The following RAB6A variants were observed in gnomAD, a reference collection of about 807,000 sequenced individuals.
The protein encoded by RAB6A is ras-related protein Rab-6A.
RAB6A carries 8 observed loss-of-function variants against 32.3 expected under a neutral mutation model. The observed-to-expected ratio is 0.25, with a 90% CI of 0.15 to 0.45. The LOEUF (loss-of-function observed/expected upper bound fraction) is 0.45. Ranked by LOEUF, RAB6A falls within the 20% of genes least tolerant of loss-of-function variation. RAB6A has a pLI of 1.00. For synonymous variants in RAB6A, 73 were observed against 82.1 expected (o/e 0.89, Z 0.60); for missense variants, 104 against 249.4 (o/e 0.42, Z 3.93).
At chr11:73,712,986 G>A (rs1250200025) in intron 5 of RAB6A, among the ~76,000 whole-genome samples, 1 of 151,758 alleles carries the variant, frequency 6.6e-6, no homozygotes, top group African/African-American at 2.4e-5. Flanking sequence ...CCAAAGTGCT[G>A]GGAGGTGTGA....
At chr11:73,722,744 T>G (rs1946161346) in intron 2 of RAB6A, 1 of 152,176 alleles carries the variant, frequency 6.6e-6, no homozygotes, top group Non-Finnish European at 1.5e-5. Flanking sequence ...ATTGATTATC[T>G]ACTAAGTGCC....
intron 1 of RAB6A, among the ~76,000 whole-genome samples, chr11:73,736,809 G>GAAAAAA (rs756237159): frequency 8.3e-5 from 9 of 108,764 alleles, no homozygotes; most frequent in Admixed American, 1.2e-4. Flanking sequence ...AAAAAAAAAA[G>GAAAAAA]AAAAAAAAAA....
chr11:73,732,317 T>C (rs1329094275), intron 1 of RAB6A, among the ~76,000 whole-genome samples: 1 of 152,104 alleles, frequency 6.6e-6, no homozygotes, highest in Non-Finnish European at 1.5e-5. Context: ...CCGGGTGCGG[T>C]GGCTCACGCC....
intron 1 of RAB6A, among the ~76,000 whole-genome samples, chr11:73,735,970 T>A (rs1946387442): frequency 7.1e-6 from 1 of 141,288 alleles, no homozygotes; most frequent in South Asian, 2.4e-4. Context: ...ATAAATCACA[T>A]ACCATACAAT....
intron 1 of RAB6A, among the ~76,000 whole-genome samples, chr11:73,749,982 G>A (rs909102777): frequency 6.6e-6 from 1 of 152,138 alleles, no homozygotes; most frequent in Non-Finnish European, 1.5e-5. Context: ...GCAACATAGT[G>A]AGATCTTACC....
At chr11:73,757,129 A>ATATATCTTTTTTTTT (rs1555070136) in intron 1 of RAB6A, among the ~76,000 whole-genome samples, 1 of 30,356 alleles carries the variant, frequency 3.3e-5, no homozygotes, top group Non-Finnish European at 5.0e-5. Flanking sequence ...ATATATATAT[A>ATATATCTTTTTTTTT]TTTTTTTTTT....
At chr11:73,732,625 G>C (rs1377347366) in intron 1 of RAB6A, among the ~76,000 whole-genome samples, 1 of 151,910 alleles carries the variant, frequency 6.6e-6, no homozygotes, top group Non-Finnish European at 1.5e-5. Context: ...CGGGCGTGGG[G>C]GAGTGCGCCT....
intron 1 of RAB6A, among the ~76,000 whole-genome samples, chr11:73,749,634 A>T (rs10898941): frequency 0.2 from 30,560 of 151,998 alleles, 3,138 homozygotes; most frequent in East Asian, 0.25. Flanking sequence ...ACTCGAGGCC[A>T]GAGCATTGCT....
intron 6 of RAB6A, among the ~76,000 whole-genome samples, chr11:73,689,039 T>C (rs747197694): frequency 6.6e-6 from 1 of 151,940 alleles, no homozygotes; most frequent in Non-Finnish European, 1.5e-5. Flanking sequence ...GGGAAGAGCA[T>C]TTGAGCCCAG....
chr11:73,726,718 C>A (rs1007128333), intron 2 of RAB6A, among the ~76,000 whole-genome samples: 1 of 149,754 alleles, frequency 6.7e-6, no homozygotes, highest in African/African-American at 2.5e-5. Context: ...CCACTGCACT[C>A]CAGCCTGGGT....
chr11:73,730,256 T>G (rs1946283240), intron 2 of RAB6A: 2 of 152,824 alleles, frequency 1.3e-5, no homozygotes, highest in African/African-American at 4.8e-5. Flanking sequence ...GCTTTAGTTG[T>G]ATACCATAAG....
chr11:73,712,278 T>C (rs1028923133), intron 5 of RAB6A, among the ~76,000 whole-genome samples: 1 of 152,200 alleles, frequency 6.6e-6, no homozygotes, highest in African/African-American at 2.4e-5. Flanking sequence ...ATTTATTACA[T>C]AGTTCATTTT....
intron 1 of RAB6A, 63 bp downstream of exon 1, chr11:73,760,503 G>A: frequency 6.5e-7 from 1 of 1,533,048 alleles, no homozygotes; most frequent in Non-Finnish European, 8.8e-7. Context: ...CGGAAGGGCC[G>A]CACCGGGGGC....
In RAB6A at chr11:73,707,106, G is replaced by A. The variant is rs981242588; in HGVS notation, c.495+314C>T. ...GCATTCAAGCCTCGGCAACAAGAGC[G>A]AAACTCCATCTCAAAAAAGAAAAAA... On this transcript the variant is annotated intron_variant, in intron 6 of 7. Coordinates refer to ENST00000336083, the MANE Select transcript of RAB6A (RefSeq NM_198896.2). Among the ~76,000 whole-genome samples, 8 of 117,286 alleles carry A rather than the reference G, an allele frequency of 6.8e-5. No homozygotes were observed. The East Asian group carries it at 1.9e-3, about 28-fold the overall frequency. The allele number at this position is 117,286 out of a possible 152,430, so 76.9% of individuals were successfully genotyped here.
At chr11:73,727,294 C>G (rs188511247) in intron 2 of RAB6A, among the ~76,000 whole-genome samples, 2 of 151,654 alleles carry the variant, frequency 1.3e-5, no homozygotes, top group Non-Finnish European at 2.9e-5. Context: ...GGAGTGGTGG[C>G]GTGTACCTGT....
intron 1 of RAB6A, among the ~76,000 whole-genome samples, chr11:73,753,968 C>T (rs569357265): frequency 1.8e-4 from 28 of 152,348 alleles, no homozygotes; most frequent in African/African-American, 6.3e-4. Flanking sequence ...TAAATTAAAA[C>T]ACTTTCTGAG....
chr11:73,724,831 T>C (rs1946192960), intron 2 of RAB6A, among the ~76,000 whole-genome samples: 1 of 152,190 alleles, frequency 6.6e-6, no homozygotes, highest in Admixed American at 6.5e-5. Context: ...ATTAATAAAT[T>C]ATTTGATTAA....
chr11:73,734,373 G>A (rs1255008490), intron 1 of RAB6A, among the ~76,000 whole-genome samples: 5 of 152,068 alleles, frequency 3.3e-5, no homozygotes, highest in Admixed American at 3.3e-4. Context: ...TGATATACCT[G>A]CCTCAGCCCC....
intron 1 of RAB6A, among the ~76,000 whole-genome samples, chr11:73,752,505 C>G (rs1946683687): frequency 6.6e-6 from 1 of 151,752 alleles, no homozygotes. Flanking sequence ...AGAAGATGAA[C>G]AAAAACACTC....
Sources: allele counts gnomAD v4.1 joint callset (sites outside exome capture counted in the v4.1 genomes callset), GRCh38; gene constraint gnomAD v4.1.1; transcripts MANE v1.5; gene names NCBI Gene and HGNC (gene_info 2026-07-23, HGNC 2026-07-21).